SDCCAG8: variants seen among roughly 807,000 people sequenced by gnomAD.
SDCCAG8 encodes the protein serologically defined colon cancer antigen 8.
A neutral mutation model predicts 101.8 loss-of-function variants in SDCCAG8; 74 were observed. The observed-to-expected ratio is 0.73, with a 90% confidence interval of 0.60 to 0.88. The LOEUF (loss-of-function observed/expected upper bound fraction) is 0.88, where lower values mean the gene tolerates loss of function less well. Among genes scored for constraint, SDCCAG8 ranks in the 40% least tolerant of loss-of-function variants. SDCCAG8 has a pLI of 0.00. For synonymous variants in SDCCAG8, 281 were observed against 292.9 expected (o/e 0.96, Z 0.41); for missense variants, 787 against 822.6 (o/e 0.96, Z 0.53).
At chr1:243,459,193 T>C (rs1384914379) in intron 16 of SDCCAG8, among the ~76,000 whole-genome samples, 2 of 152,218 alleles carry the variant, frequency 1.3e-5, no homozygotes, top group Non-Finnish European at 2.9e-5. Context: ...GTCTTTACAA[T>C]AGTCTTTCAA....
chr1:243,447,520 A>T (rs1483435358), intron 16 of SDCCAG8, among the ~76,000 whole-genome samples: 1 of 152,078 alleles, frequency 6.6e-6, no homozygotes, highest in Non-Finnish European at 1.5e-5. Context: ...GCGCACGCAC[A>T]CACACACTAT....
intron 9 of SDCCAG8, among the ~76,000 whole-genome samples, chr1:243,321,381 C>G (rs563644003): frequency 3.5e-4 from 52 of 149,830 alleles, no homozygotes; most frequent in Non-Finnish European, 6.7e-4. Context: ...CCATGCCCCC[C>G]TCTCTCCTCC....
At chr1:243,342,592 A>G (rs749170384) in intron 11 of SDCCAG8, among the ~76,000 whole-genome samples, 2 of 152,248 alleles carry the variant, frequency 1.3e-5, no homozygotes, top group Non-Finnish European at 2.9e-5. Flanking sequence ...TATAATTATT[A>G]TCTTCTGATG....
At chr1:243,498,125 G>T (rs1284378774) in intron 17 of SDCCAG8, among the ~76,000 whole-genome samples, 1 of 152,234 alleles carries the variant, frequency 6.6e-6, no homozygotes, top group Non-Finnish European at 1.5e-5. Context: ...CATGGAGCAG[G>T]GGTGGAGGGC....
In SDCCAG8 at chr1:243,271,062, T is replaced by C; in HGVS notation, c.305T>C (p.Leu102Ser). 1 of 1,601,328 alleles carries C rather than the reference T, an allele frequency of 6.2e-7. No homozygotes were observed. Among genetic ancestry groups the C allele is most frequent in the Non-Finnish European group, 8.6e-7 (1 of 1,168,414 alleles). ...TCAAGAAGAAGAAAAATGTCCCCCT[T>C]GGTAAGTATCAACTTTTCCAAGTTG... ...SPSRRRKMSP[L>S]RSLEHEETNM... The change falls in exon 3 of 18, where the codon TTG becomes TCG. Residue 102 changes from leucine (L) to serine (S), a missense_variant and splice_region_variant. By Grantham distance (145) the Leu-to-Ser change is moderately radical. Coordinates refer to ENST00000366541, the MANE Select transcript of SDCCAG8 (RefSeq NM_006642.5).
rs950146458 is a variant in SDCCAG8 at position 243,411,944 on chromosome 1, A to G, written c.1617-3758A>G. On this transcript the variant is annotated intron_variant, in intron 13 of 17. Transcript: ENST00000366541. ...TTTTGAGTGGGAATTAAAGCAAACC[A>G]ATTGGAGAGACTGGCTTGACCATCC... Among the ~76,000 whole-genome samples the G allele has an allele frequency of 3.3e-5, 5 of 152,298 alleles. No individual in the cohort carries two copies. In the South Asian group the frequency reaches 1.0e-3, roughly 32 times the overall value.
At chr1:243,284,095 T>C (rs2069347243) in intron 4 of SDCCAG8, among the ~76,000 whole-genome samples, 1 of 152,242 alleles carries the variant, frequency 6.6e-6, no homozygotes, top group African/African-American at 2.4e-5. Context: ...CATCTTTGCC[T>C]TATCTCAGAC....
At chr1:243,311,979 A>G (rs2072769818) in intron 8 of SDCCAG8, among the ~76,000 whole-genome samples, 1 of 152,172 alleles carries the variant, frequency 6.6e-6, no homozygotes, top group African/African-American at 2.4e-5. Flanking sequence ...GTAAATGTCA[A>G]CCTACTTAGT....
intron 17 of SDCCAG8, among the ~76,000 whole-genome samples, chr1:243,497,624 CTCA>C (rs1266899213): frequency 2.0e-5 from 3 of 152,168 alleles, no homozygotes; most frequent in African/African-American, 7.2e-5. Context: ...ATTATGTAGA[CTCA>C]TCATGAGAAA....
chr1:243,381,792 A>G (rs1414782896), intron 13 of SDCCAG8, among the ~76,000 whole-genome samples: 8 of 152,222 alleles, frequency 5.3e-5, no homozygotes, highest in Admixed American at 5.2e-4. Flanking sequence ...CTACATCTGT[A>G]TATGCAAATG....
chr1:243,352,598 C>A (rs1325284739), intron 12 of SDCCAG8, among the ~76,000 whole-genome samples: 1 of 152,150 alleles, frequency 6.6e-6, no homozygotes, highest in Non-Finnish European at 1.5e-5. Flanking sequence ...CATATGCTTT[C>A]TTTTTGTTTA....
In SDCCAG8 at chr1:243,409,317, T is replaced by G. The variant is rs923479446; in HGVS notation, c.1617-6385T>G. Among the ~76,000 whole-genome samples the G allele has an allele frequency of 3.9e-5, 6 of 152,184 alleles. No homozygotes were observed. In the South Asian group the frequency reaches 1.2e-3, roughly 31 times the overall value. On this transcript the variant is annotated intron_variant, in intron 13 of 17. Transcript: ENST00000366541. ...TGGAAAAAAGGGAGACAAGGTTCTA[T>G]GTATGTTGTTGGATTGTAATTGGAA...
At chr1:243,311,796 A>T (rs909002107) in intron 8 of SDCCAG8, among the ~76,000 whole-genome samples, 2 of 152,034 alleles carry the variant, frequency 1.3e-5, no homozygotes, top group African/African-American at 4.8e-5. Flanking sequence ...AAGAAATAAC[A>T]AGTTATTATG....
Position 243,379,860 on chromosome 1 carries a change from A to G in SDCCAG8, c.1616+997A>G, listed in dbSNP as rs553045943. ...GGGACTGATCCCTTTTACATTAAATATGACAATGTAATTCTGAGCACGGTA... is the reference window on the plus strand; with the variant it reads ...GGGACTGATCCCTTTTACATTAAATGTGACAATGTAATTCTGAGCACGGTA... On this transcript the variant is annotated intron_variant, in intron 13 of 17. Transcript: ENST00000366541. Among the ~76,000 whole-genome samples, 13 of 152,348 alleles carry G rather than the reference A, an allele frequency of 8.5e-5. 1 individual carries two copies. The highest frequency in any genetic ancestry group is 1.2e-4 in the Non-Finnish European group (8 of 68,036).
intron 13 of SDCCAG8, 21 bp downstream of exon 13, chr1:243,378,884 G>A (rs2077764302): frequency 6.2e-7 from 1 of 1,613,924 alleles, no homozygotes; most frequent in Non-Finnish European, 8.5e-7. Context: ...ATCCCATTAT[G>A]CGCCATAGCA....
intron 16 of SDCCAG8, among the ~76,000 whole-genome samples, chr1:243,434,508 G>A (rs192820327): frequency 1.2e-3 from 176 of 152,272 alleles, no homozygotes; most frequent in Middle Eastern, 6.8e-3. Context: ...GAAATGTTCC[G>A]TTATCCCTAG....
intron 12 of SDCCAG8, among the ~76,000 whole-genome samples, chr1:243,358,334 A>G (rs2076506945): frequency 6.6e-6 from 1 of 152,180 alleles, no homozygotes; most frequent in Non-Finnish European, 1.5e-5. Flanking sequence ...ATTATTAACA[A>G]ATGATTAATA....
chr1:243,445,579 G>A (rs765119377), intron 16 of SDCCAG8, among the ~76,000 whole-genome samples: 3 of 152,198 alleles, frequency 2.0e-5, no homozygotes, highest in Non-Finnish European at 2.9e-5. Context: ...ATGGATATGT[G>A]GGGCTGAGGC....
intron 6 of SDCCAG8, 164 bp downstream of exon 6, chr1:243,293,383 CATT>C (rs1222904675): frequency 3.8e-6 from 3 of 795,164 alleles, no homozygotes; most frequent in Non-Finnish European, 6.4e-6. Flanking sequence ...CAATCATAAA[CATT>C]ATCCATTTTC....
Sources: gnomAD v4.1 joint callset for allele counts (sites outside exome capture counted in the v4.1 genomes callset) on GRCh38, gnomAD v4.1.1 for gene constraint, MANE v1.5 for transcripts, NCBI Gene and HGNC (gene_info 2026-07-23, HGNC 2026-07-21) for gene names.